AKAP19: variants seen among roughly 807,000 people sequenced by gnomAD.
AKAP19 encodes the protein small A-kinase anchoring protein.
chr2:190,116,623 C>T, the AKAP19 span, among the ~76,000 whole-genome samples: 1 of 152,094 alleles, frequency 6.6e-6, no homozygotes, highest in Non-Finnish European at 1.5e-5. Flanking sequence ...ATTGGGAGTA[C>T]TTTTTAATTC....
chr2:190,053,061 A>G, the AKAP19 span, among the ~76,000 whole-genome samples: 1 of 152,178 alleles, frequency 6.6e-6, no homozygotes, highest in Non-Finnish European at 1.5e-5. Flanking sequence ...ACTGTTAAAA[A>G]CTTTTCTTTC....
At chr2:189,917,569 G>T in the AKAP19 span, 2 of 480,388 alleles carry the variant, frequency 4.2e-6, no homozygotes, top group Non-Finnish European at 7.5e-6. Flanking sequence ...TTCTTATTAA[G>T]GTCTTATTGC....
the AKAP19 span, among the ~76,000 whole-genome samples, chr2:190,041,102 T>C: frequency 2.0e-5 from 3 of 152,212 alleles, no homozygotes; most frequent in African/African-American, 7.2e-5. Context: ...AATTTGTAAA[T>C]AGCTTTTGGC....
the AKAP19 span, among the ~76,000 whole-genome samples, chr2:189,915,712 T>G: frequency 6.6e-6 from 1 of 152,130 alleles, no homozygotes; most frequent in Non-Finnish European, 1.5e-5. Context: ...AGCAATGTCA[T>G]GAGGTATTGC....
the AKAP19 span, among the ~76,000 whole-genome samples, chr2:190,194,588 T>G: frequency 2.0e-5 from 3 of 152,122 alleles, no homozygotes; most frequent in Non-Finnish European, 4.4e-5. Context: ...ATTCCTGGTG[T>G]TGTACAACCT....
At chr2:189,919,077 C>T in the AKAP19 span, among the ~76,000 whole-genome samples, 1 of 152,182 alleles carries the variant, frequency 6.6e-6, no homozygotes, top group African/African-American at 2.4e-5. Flanking sequence ...GATAAAATCT[C>T]GAAAGACTAT....
chr2:190,169,758 G>T, the AKAP19 span, among the ~76,000 whole-genome samples: 475 of 152,298 alleles, frequency 3.1e-3, 1 homozygote, highest in African/African-American at 0.011. Context: ...ATTAGGCTTA[G>T]CTGGTTTGGG....
the AKAP19 span, among the ~76,000 whole-genome samples, chr2:190,083,559 C>T: frequency 2.0e-5 from 3 of 151,836 alleles, no homozygotes; most frequent in Admixed American, 6.6e-5. Flanking sequence ...AAAAGGAAGA[C>T]GGTGGGCTGA....
At chr2:189,953,436 A>G in the AKAP19 span, among the ~76,000 whole-genome samples, 9 of 152,078 alleles carry the variant, frequency 5.9e-5, no homozygotes, top group African/African-American at 1.9e-4. Context: ...GGAGTTTGAG[A>G]CCAGCCTGGC....
chr2:189,891,009 C>T, the AKAP19 span, among the ~76,000 whole-genome samples: 4 of 152,032 alleles, frequency 2.6e-5, no homozygotes, highest in African/African-American at 4.8e-5. Context: ...TTCATAGTGT[C>T]GATGGTCTTT....
At chr2:190,089,861 G>T in the AKAP19 span, among the ~76,000 whole-genome samples, 4 of 152,148 alleles carry the variant, frequency 2.6e-5, no homozygotes, top group South Asian at 8.3e-4. Flanking sequence ...CTCCAGAGGG[G>T]TTCAGTCTGC....
chr2:190,119,395 G>T, the AKAP19 span, among the ~76,000 whole-genome samples: 1 of 152,182 alleles, frequency 6.6e-6, no homozygotes, highest in African/African-American at 2.4e-5. Flanking sequence ...GGTTTGACTA[G>T]GCATGTCATT....
the AKAP19 span, chr2:190,180,647 G>A: frequency 1.0e-6 from 1 of 985,184 alleles, no homozygotes. This position sits in a 1 kb window ranked among gnomAD's most constrained non-coding sequence, Gnocchi z 6.8. Flanking sequence ...CCCCTGCCTC[G>A]GACCCTGCGC....
chr2:190,120,467 T>A, the AKAP19 span, among the ~76,000 whole-genome samples: 1 of 152,162 alleles, frequency 6.6e-6, no homozygotes, highest in African/African-American at 2.4e-5. Context: ...ATAAAATTAA[T>A]GCTGATACAA....
the AKAP19 span, among the ~76,000 whole-genome samples, chr2:190,069,892 T>C: frequency 6.6e-6 from 1 of 152,282 alleles, no homozygotes; most frequent in Non-Finnish European, 1.5e-5. Flanking sequence ...TCCACTCTAT[T>C]CATAAAGAGA....
the AKAP19 span, among the ~76,000 whole-genome samples, chr2:189,993,360 A>G: frequency 1.3e-5 from 2 of 152,202 alleles, no homozygotes; most frequent in Admixed American, 1.3e-4. Context: ...CCTGGTATGA[A>G]ACCCACTTGA....
the AKAP19 span, chr2:190,095,444 G>C: frequency 6.6e-6 from 1 of 151,132 alleles, no homozygotes; most frequent in Non-Finnish European, 1.5e-5. Context: ...CTCACGAGGA[G>C]GATTAGCGCC....
the AKAP19 span, among the ~76,000 whole-genome samples, chr2:190,000,467 TG>T: frequency 6.6e-6 from 1 of 152,240 alleles, no homozygotes; most frequent in Non-Finnish European, 1.5e-5. Context: ...TGCTATTTGT[TG>T]GGGAACCCTC....
the AKAP19 span, among the ~76,000 whole-genome samples, chr2:189,928,064 T>G: frequency 6.6e-6 from 1 of 152,204 alleles, no homozygotes; most frequent in Non-Finnish European, 1.5e-5. Flanking sequence ...TTTTTAGTAT[T>G]GTTTAATCTG....
Sources: gnomAD v4.1 joint callset for allele counts (sites outside exome capture counted in the v4.1 genomes callset) on GRCh38, gnomAD v4.1.1 for gene constraint, Gnocchi (gnomAD v3.1) non-coding constraint, MANE v1.5 for transcripts, NCBI Gene and HGNC (gene_info 2026-07-23, HGNC 2026-07-21) for gene names.